Variants in TNFAIP6 observed in about 807,000 individuals in gnomAD.
TNFAIP6 encodes the protein TNF alpha induced protein 6.
TNFAIP6 carries 36 observed loss-of-function variants against 33.7 expected under a neutral mutation model. The ratio of observed to expected loss-of-function variants is 1.07; its 90% CI spans 0.82 to 1.41. The LOEUF is 1.41. Among genes scored for constraint, TNFAIP6 ranks in the 40% most tolerant of loss-of-function variants. TNFAIP6 has a pLI of 0.00. For missense variants in TNFAIP6, 273 were observed against 331.9 expected, an observed-to-expected ratio of 0.82 and a Z score of 1.38; for synonymous variants, 113 against 112.8, an observed-to-expected ratio of 1.00 and a Z score of -0.01.
At chr2:151,372,106 A>G (rs1684825437) in intron 4 of TNFAIP6, 2 of 152,308 alleles carry the variant, frequency 1.3e-5, no homozygotes, top group Admixed American at 6.5e-5. Flanking sequence ...GGGTGTCCAC[A>G]CTAAGAGCAG....
At chr2:151,367,082 C>T (rs1391534487) in intron 3 of TNFAIP6, among the ~76,000 whole-genome samples, 2 of 152,016 alleles carry the variant, frequency 1.3e-5, no homozygotes, top group African/African-American at 4.8e-5. Flanking sequence ...TTCCATAACA[C>T]AGTAGGAGAG....
chr2:151,364,690 G>A (rs1684682627), intron 2 of TNFAIP6, among the ~76,000 whole-genome samples: 1 of 152,194 alleles, frequency 6.6e-6, no homozygotes, highest in African/African-American at 2.4e-5. Context: ...TTATACAAAA[G>A]TGGATTGCTA....
chr2:151,380,400 G>A (rs1396585388), downstream of TNFAIP6, among the ~76,000 whole-genome samples: 2 of 151,970 alleles, frequency 1.3e-5, no homozygotes, highest in African/African-American at 4.8e-5. Flanking sequence ...TATATCAAAT[G>A]TTAAAATTTA....
chr2:151,365,934 A>G (rs939176309), intron 2 of TNFAIP6, 122 bp from the exon 3 acceptor site: 23 of 859,902 alleles, frequency 2.7e-5, no homozygotes, highest in Non-Finnish European at 4.2e-5. Flanking sequence ...TCTCCCTTTT[A>G]CATGAACTGG....
Position 151,370,078 on chromosome 2 carries a change from C to T in TNFAIP6, c.453C>T (p.Phe151=). 2 of 1,614,028 alleles carry T rather than the reference C, an allele frequency of 1.2e-6. No individual in the cohort carries two copies. Among genetic ancestry groups the T allele is most frequent in the Middle Eastern group, 1.6e-4 (1 of 6,062 alleles). ...AGCAAATTTTTAAATCTCCAGGCTTCCCAAATGAGTACGAAGATAACCAAA... is the reference window on the plus strand; with the variant it reads ...AGCAAATTTTTAAATCTCCAGGCTTTCCAAATGAGTACGAAGATAACCAAA... ...DPKQIFKSPG[F]PNEYEDNQIC... is the part of the protein sequence containing the mutation. Residue 151 remains phenylalanine (F), a synonymous_variant, in exon 4 of 6, where the codon TTC becomes TTT. Coordinates refer to ENST00000243347, the MANE Select transcript of TNFAIP6 (RefSeq NM_007115.4).
rs745895652 is a variant in TNFAIP6 at position 151,373,594 on chromosome 2, G to C, written c.664+5G>C. ...CAGATGACATCATCAGTACAGGTAA[G>C]GTTTTAAATTGAGGACCAAAACTAT... On this transcript the variant is annotated splice_donor_5th_base_variant and intron_variant, in intron 5 of 5. Coordinates refer to ENST00000243347, the MANE Select transcript of TNFAIP6 (RefSeq NM_007115.4). 4 of 1,517,804 alleles carry C rather than the reference G, an allele frequency of 2.6e-6. No individual in the cohort carries two copies. In the East Asian group the frequency reaches 9.5e-5, roughly 36 times the overall value. The allele number at this position is 1,517,804 out of a possible 1,614,324, so 94.0% of individuals were successfully genotyped here.
chr2:151,357,979 A>G lies in TNFAIP6; in HGVS notation c.94+219A>G, dbSNP rs573884075. Among the ~76,000 whole-genome samples the G allele has an allele frequency of 5.3e-5, 8 of 152,162 alleles. No homozygotes were observed. In the South Asian group the frequency reaches 1.5e-3, roughly 28 times the overall value. On this transcript the variant is annotated intron_variant, in intron 1 of 5. Coordinates refer to ENST00000243347, the MANE Select transcript of TNFAIP6 (RefSeq NM_007115.4). ...TAGCATTTTATAAAGTGAATTGTTC[A>G]GTAGAAAATAGCAGTTAATATTTAT...
chr2:151,357,786 T>G, intron 1 of TNFAIP6, 26 bp downstream of exon 1: 1 of 1,365,262 alleles, frequency 7.3e-7, no homozygotes, highest in Non-Finnish European at 1.0e-6. Context: ...CATGAGCCTC[T>G]TGTTGAGAAT....
At chr2:151,372,185 G>A (rs1040580763) in intron 4 of TNFAIP6, 4 of 152,166 alleles carry the variant, frequency 2.6e-5, no homozygotes, top group African/African-American at 9.6e-5. Context: ...ACCTGCCCAG[G>A]TCAGAAACAA....
chr2:151,377,630 T>C (rs1344180920), intron 5 of TNFAIP6, among the ~76,000 whole-genome samples: 1 of 152,178 alleles, frequency 6.6e-6, no homozygotes, highest in African/African-American at 2.4e-5. Flanking sequence ...TTTTTGGTAG[T>C]GTTTTTGAAC....
intron 4 of TNFAIP6, 81 bp from the exon 5 acceptor site, chr2:151,373,468 C>A: frequency 1.4e-6 from 1 of 698,284 alleles, no homozygotes; most frequent in Non-Finnish European, 2.3e-6. Flanking sequence ...TACTTAGAGG[C>A]TTAATTATCA....
intron 4 of TNFAIP6, among the ~76,000 whole-genome samples, chr2:151,373,240 A>G (rs1327425562): frequency 1.3e-5 from 2 of 152,118 alleles, no homozygotes; most frequent in Non-Finnish European, 2.9e-5. Flanking sequence ...GCTTGAACCC[A>G]GGAGGAAGAG....
At chr2:151,370,293 T>A (rs761458066) in intron 4 of TNFAIP6, 45 bp downstream of exon 4, 1 of 1,395,552 alleles carries the variant, frequency 7.2e-7, no homozygotes, top group Non-Finnish European at 1.0e-6. Flanking sequence ...ACGTCCAGTA[T>A]TTTGTTTGAT....
intron 4 of TNFAIP6, among the ~76,000 whole-genome samples, chr2:151,371,016 A>G (rs1306913495): frequency 1.3e-5 from 2 of 152,066 alleles, no homozygotes; most frequent in African/African-American, 4.8e-5. Flanking sequence ...GGTTGCAGTG[A>G]GCCAAGACTG....
At position 151,378,491 on chromosome 2, in the gene TNFAIP6, C is replaced by CTT. The variant is rs35086162; in HGVS notation, c.665-860_665-859dup. Reference sequence around the variant, plus strand: ...ATGTTCCTTCTACAAAGAGTATCTTCTTTTTTTTTTTTTTGAGACGGAGTT... The same window carrying CTT: ...ATGTTCCTTCTACAAAGAGTATCTTCTTTTTTTTTTTTTTTTGAGACGGAGTT... On this transcript the variant is annotated intron_variant, in intron 5 of 5. Coordinates refer to ENST00000243347, the MANE Select transcript of TNFAIP6 (RefSeq NM_007115.4). 1.5e-3 allele frequency among the ~76,000 whole-genome samples: 220 copies of CTT among 142,714 alleles called. 1 individual carries two copies. Among genetic ancestry groups the CTT allele is most frequent in the African/African-American group, 4.8e-3 (188 of 39,066 alleles). 93.6% of individuals were successfully genotyped at this position (142,714 alleles called of 152,430 possible). A position where few individuals can be genotyped will look rare whatever the true frequency, so the allele number is the denominator to read the frequency against.
At chr2:151,363,007 C>T (rs1176462150) in intron 1 of TNFAIP6, among the ~76,000 whole-genome samples, 1 of 152,132 alleles carries the variant, frequency 6.6e-6, no homozygotes, top group Admixed American at 6.5e-5. Flanking sequence ...TGTTGCAATA[C>T]AATGTTGTAT....
At chr2:151,378,791 A>T (rs372342006) in intron 5 of TNFAIP6, among the ~76,000 whole-genome samples, 5 of 150,996 alleles carry the variant, frequency 3.3e-5, no homozygotes, top group African/African-American at 1.2e-4. Context: ...GCCCAGCCCA[A>T]GAGTACCTTT....
intron 4 of TNFAIP6, among the ~76,000 whole-genome samples, chr2:151,371,627 A>G (rs1433503226): frequency 6.7e-6 from 1 of 148,226 alleles, no homozygotes; most frequent in Non-Finnish European, 1.5e-5. Context: ...ACGGAGTCTC[A>G]CTCTGTCACC....
Position 151,379,875 on chromosome 2 carries a change from G to A in TNFAIP6, c.*342G>A, listed in dbSNP as rs1052232496. The A allele has an allele frequency of 6.4e-6, 1 of 155,242 alleles. No homozygotes were observed. Among genetic ancestry groups the A allele is most frequent in the Admixed American group, 6.5e-5 (1 of 15,352 alleles). The allele number at this position is 155,242 out of a possible 1,614,324, so 9.6% of individuals were successfully genotyped here. ...TTTTGTATTATACTTTTTAAATCTT[G>A]AACTTTATAAACATTTTCTGAAATC... On this transcript the variant is annotated 3_prime_UTR_variant, in exon 6 of 6. Transcript: ENST00000243347.
Sources: allele counts gnomAD v4.1 joint callset (sites outside exome capture counted in the v4.1 genomes callset), GRCh38; gene constraint gnomAD v4.1.1; transcripts MANE v1.5; gene names NCBI Gene and HGNC (gene_info 2026-07-23, HGNC 2026-07-21).